The following PTPRD variants were observed in gnomAD, a reference collection of about 807,000 sequenced individuals.
PTPRD encodes receptor-type tyrosine-protein phosphatase delta.
A neutral mutation model predicts 214.5 loss-of-function variants in PTPRD; 34 were observed. That is an observed-to-expected ratio of 0.16 (90% CI 0.12 to 0.21). PTPRD has a LOEUF of 0.21. Ranked by LOEUF, PTPRD falls within the 10% of genes least tolerant of loss-of-function variation. The probability of loss-of-function intolerance (pLI) is 1.00; values close to 1 mark genes in which losing one functional copy is unlikely to be tolerated. For missense variants in PTPRD, 2,545 were observed against 2,398.7 expected, an observed-to-expected ratio of 1.06 and a Z score of -1.27; for synonymous variants, 1,128 against 845.7, an observed-to-expected ratio of 1.33 and a Z score of -5.79.
At chr9:9,103,600 C>T (rs1285802655) in intron 10 of PTPRD, among the ~76,000 whole-genome samples, 1 of 151,954 alleles carries the variant, frequency 6.6e-6, no homozygotes, top group Non-Finnish European at 1.5e-5. Context: ...TTTAGCGTAT[C>T]CTTTGCTTCC....
intron 14 of PTPRD, among the ~76,000 whole-genome samples, chr9:8,575,046 C>G (rs568874387): frequency 6.6e-6 from 1 of 152,064 alleles, no homozygotes; most frequent in Admixed American, 6.6e-5. Flanking sequence ...GCAAATAGAT[C>G]ACACTTCATC....
intron 5 of PTPRD, among the ~76,000 whole-genome samples, chr9:9,909,534 A>G (rs1461656857): frequency 6.6e-6 from 1 of 151,994 alleles, no homozygotes; most frequent in African/African-American, 2.4e-5. Flanking sequence ...ATTGGTTGAT[A>G]TATTTATATG....
intron 14 of PTPRD, among the ~76,000 whole-genome samples, chr9:8,610,103 T>A (rs916848863): frequency 2.0e-5 from 3 of 152,122 alleles, no homozygotes; most frequent in Admixed American, 6.5e-5. Context: ...AGCACACATT[T>A]TAAGTATTTT....
intron 5 of PTPRD, among the ~76,000 whole-genome samples, chr9:9,821,935 T>G (rs558787128): frequency 1.3e-5 from 2 of 148,428 alleles, no homozygotes; most frequent in African/African-American, 4.9e-5. Context: ...TTATAATATT[T>G]ATATATATTT....
In PTPRD at chr9:9,773,509, G is replaced by A. The variant is rs12684484; in HGVS notation, c.-367-6658C>T. ...AAGGTAATCTTCCTTAATTCTCTAA[G>A]AGAGGTATTATAGAATATCTCATGA... On this transcript the variant is annotated intron_variant, in intron 5 of 45. Transcript: ENST00000381196. 0.034 allele frequency among the ~76,000 whole-genome samples: 5,194 copies of A among 152,164 alleles called. 543 individuals carry two copies. In the East Asian group the frequency reaches 0.38, roughly 11 times the overall value.
At chr9:8,619,936 C>G (rs1207341408) in intron 14 of PTPRD, among the ~76,000 whole-genome samples, 1 of 151,878 alleles carries the variant, frequency 6.6e-6, no homozygotes, top group Non-Finnish European at 1.5e-5. Context: ...TGGTAATCAC[C>G]ACATTTACCA....
At chr9:9,737,535 C>G (rs893826716) in intron 6 of PTPRD, among the ~76,000 whole-genome samples, 1 of 152,108 alleles carries the variant, frequency 6.6e-6, no homozygotes, top group Non-Finnish European at 1.5e-5. Context: ...CCTGATAACT[C>G]CTAATCTATT....
At chr9:8,658,743 G>T (rs189250680) in intron 12 of PTPRD, among the ~76,000 whole-genome samples, 3 of 151,102 alleles carry the variant, frequency 2.0e-5, no homozygotes, top group Admixed American at 2.0e-4. Context: ...TATCTAGATG[G>T]AAACACTACC....
chr9:8,864,706 G>C (rs2098165425), intron 11 of PTPRD, among the ~76,000 whole-genome samples: 1 of 152,202 alleles, frequency 6.6e-6, no homozygotes, highest in African/African-American at 2.4e-5. Flanking sequence ...TGGCAAGTTG[G>C]TCATTGTATC....
At chr9:8,364,175 G>C (rs2079190825) in intron 39 of PTPRD, among the ~76,000 whole-genome samples, 1 of 152,178 alleles carries the variant, frequency 6.6e-6, no homozygotes, top group South Asian at 2.1e-4. Flanking sequence ...GCAAGAAATA[G>C]CACAAATCCA....
intron 3 of PTPRD, among the ~76,000 whole-genome samples, chr9:10,207,688 A>G (rs1350905232): frequency 6.6e-6 from 1 of 151,786 alleles, no homozygotes; most frequent in African/African-American, 2.4e-5. Context: ...GAAACTTGTC[A>G]TTTATATCTT....
rs186564812 is a variant in PTPRD at position 8,735,213 on chromosome 9, G to A, written c.-103-1267C>T. Among the ~76,000 whole-genome samples the A allele has an allele frequency of 2.2e-4, 32 of 146,102 alleles. No homozygotes were observed. The South Asian group carries it at 3.7e-3, about 17-fold the overall frequency. On this transcript the variant is annotated intron_variant, in intron 11 of 45. Coordinates refer to ENST00000381196, the MANE Select transcript of PTPRD (RefSeq NM_002839.4). ...GGCTGTAGTGCAGTGGTACAATCACGGCTCACTGCAAACGCTGCTTCCCAG... is the reference window on the plus strand; with the variant it reads ...GGCTGTAGTGCAGTGGTACAATCACAGCTCACTGCAAACGCTGCTTCCCAG...
chr9:9,426,831 C>G (rs1341178650), intron 8 of PTPRD, among the ~76,000 whole-genome samples: 2 of 152,176 alleles, frequency 1.3e-5, no homozygotes, highest in Non-Finnish European at 2.9e-5. Context: ...TCTAACAGAC[C>G]TGCAGCTGAG....
chr9:9,274,490 T>G (rs1344381198), intron 9 of PTPRD, among the ~76,000 whole-genome samples: 2 of 151,278 alleles, frequency 1.3e-5, no homozygotes, highest in Non-Finnish European at 3.0e-5. Context: ...GGTATTATAC[T>G]TCCAAGGATG....
chr9:9,105,929 G>T (rs1325644197), intron 10 of PTPRD, among the ~76,000 whole-genome samples: 3 of 152,164 alleles, frequency 2.0e-5, no homozygotes, highest in Non-Finnish European at 4.4e-5. Context: ...TTCAGGGTTG[G>T]GAAGTGGAGG....
At chr9:10,156,131 T>G (rs980491508) in intron 3 of PTPRD, among the ~76,000 whole-genome samples, 15 of 150,204 alleles carry the variant, frequency 1.0e-4, no homozygotes, top group Non-Finnish European at 4.4e-5. Flanking sequence ...TGTGCCTGTC[T>G]CCTTTGGTTC....
intron 3 of PTPRD, among the ~76,000 whole-genome samples, chr9:10,313,031 C>G (rs950716633): frequency 7.2e-5 from 11 of 152,010 alleles, no homozygotes; most frequent in African/African-American, 2.7e-4. Context: ...CCTTGATTAT[C>G]AATAATGATT....
chr9:10,527,307 C>G (rs560517873), intron 2 of PTPRD, among the ~76,000 whole-genome samples: 7 of 152,096 alleles, frequency 4.6e-5, no homozygotes, highest in African/African-American at 1.7e-4. Context: ...TAAAGAACAG[C>G]CTCAAACAGC....
chr9:8,714,177 G>A (rs1284498724), intron 12 of PTPRD, among the ~76,000 whole-genome samples: 1 of 152,156 alleles, frequency 6.6e-6, no homozygotes, highest in Non-Finnish European at 1.5e-5. Flanking sequence ...CATCACTTCA[G>A]GAGAAAATTT....
Sources: allele counts gnomAD v4.1 joint callset (sites outside exome capture counted in the v4.1 genomes callset), GRCh38; gene constraint gnomAD v4.1.1; transcripts MANE v1.5; gene names NCBI Gene and HGNC (gene_info 2026-07-23, HGNC 2026-07-21).